Variants in HSD17B2 observed in about 807,000 individuals in gnomAD.
HSD17B2 encodes the protein 17-beta-hydroxysteroid dehydrogenase type 2.
A neutral mutation model predicts 26.9 loss-of-function variants in HSD17B2; 32 were observed. That is an observed-to-expected ratio of 1.19 (90% confidence interval 0.90 to 1.60). The LOEUF is 1.60. Ranked by LOEUF, HSD17B2 falls within the 40% of genes most tolerant of loss-of-function variation. The probability of loss-of-function intolerance (pLI) is 0.00; values close to 1 mark genes in which losing one functional copy is unlikely to be tolerated. For synonymous variants in HSD17B2, 246 were observed against 186.7 expected (o/e 1.32, Z -2.59); for missense variants, 613 against 468.6 (o/e 1.31, Z -2.85).
rs573217410 is a variant in HSD17B2, at chr16:82,084,448, T to C, written c.665-6454T>C. 4.0e-4 allele frequency among the ~76,000 whole-genome samples: 61 copies of C among 152,224 alleles called. 2 individuals are homozygous for C. In the South Asian group the frequency reaches 0.013, roughly 32 times the overall value. On this transcript the variant is annotated intron_variant, in intron 3 of 4. Transcript: ENST00000199936. ...ATTTAAATGAACCATGGGTTTTGAGTGCTTAGCACAGTTACTGGTATATAG... is the reference window on the plus strand; with the variant it reads ...ATTTAAATGAACCATGGGTTTTGAGCGCTTAGCACAGTTACTGGTATATAG...
chr16:82,037,292 T>A (rs1192836538), intron 1 of HSD17B2, among the ~76,000 whole-genome samples: 1 of 152,268 alleles, frequency 6.6e-6, no homozygotes, highest in Non-Finnish European at 1.5e-5. Flanking sequence ...GTCATTTTTA[T>A]GAGGAATGCT....
intron 3 of HSD17B2, among the ~76,000 whole-genome samples, chr16:82,085,521 G>A (rs982502333): frequency 6.6e-6 from 1 of 152,042 alleles, no homozygotes; most frequent in Non-Finnish European, 1.5e-5. Flanking sequence ...CAAGTACTAT[G>A]TGCTTTCTAC....
At chr16:82,035,766 C>G in intron 1 of HSD17B2, 77 bp downstream of exon 1, 2 of 1,457,540 alleles carry the variant, frequency 1.4e-6, no homozygotes, top group Non-Finnish European at 1.9e-6. Flanking sequence ...TTTGTCAAAT[C>G]TGGCTTAAAA....
chr16:82,053,622 T>C (rs1425891580), intron 1 of HSD17B2, among the ~76,000 whole-genome samples: 2 of 152,172 alleles, frequency 1.3e-5, no homozygotes, highest in Non-Finnish European at 2.9e-5. Context: ...GTCACCATTG[T>C]ACCTGTAGCA....
intron 1 of HSD17B2, among the ~76,000 whole-genome samples, chr16:82,067,401 G>A (rs903638079): frequency 6.6e-6 from 1 of 152,202 alleles, no homozygotes; most frequent in African/African-American, 2.4e-5. Context: ...TCAACGTTTT[G>A]CACTTGTGGG....
chr16:82,051,240 G>A (rs1914097033), intron 1 of HSD17B2, among the ~76,000 whole-genome samples: 1 of 152,078 alleles, frequency 6.6e-6, no homozygotes, highest in Non-Finnish European at 1.5e-5. Flanking sequence ...TACGGCTCCT[G>A]GTATGCAGTA....
chr16:82,070,460 A>G (rs1166290519), intron 2 of HSD17B2, among the ~76,000 whole-genome samples: 1 of 152,226 alleles, frequency 6.6e-6, no homozygotes, highest in East Asian at 1.9e-4. Context: ...TCATCTTCAC[A>G]GCATTCACAT....
At chr16:82,055,576 C>G (rs1914241740) in intron 1 of HSD17B2, among the ~76,000 whole-genome samples, 1 of 152,086 alleles carries the variant, frequency 6.6e-6, no homozygotes, top group South Asian at 2.1e-4. Flanking sequence ...AAGAAATCAG[C>G]CCAAGTAGAA....
chr16:82,097,910 C>T (rs975183314), intron 4 of HSD17B2, 165 bp from the exon 5 acceptor site: 24 of 578,956 alleles, frequency 4.1e-5, no homozygotes, highest in Middle Eastern at 4.8e-4. Flanking sequence ...TGCACTTAAG[C>T]CTGAGAGACA....
intron 1 of HSD17B2, among the ~76,000 whole-genome samples, chr16:82,047,936 T>C (rs558372166): frequency 2.6e-5 from 4 of 152,196 alleles, no homozygotes; most frequent in African/African-American, 4.8e-5. Context: ...GGGTGATTTT[T>C]ACAATGAAGA....
intron 1 of HSD17B2, among the ~76,000 whole-genome samples, chr16:82,063,995 T>C (rs941891262): frequency 3.9e-5 from 6 of 152,164 alleles, no homozygotes; most frequent in Admixed American, 3.9e-4. Context: ...ATCTAAGTCA[T>C]ATGGGGAAGG....
At chr16:82,054,885 T>C (rs955724478) in intron 1 of HSD17B2, among the ~76,000 whole-genome samples, 7 of 152,228 alleles carry the variant, frequency 4.6e-5, no homozygotes, top group African/African-American at 1.7e-4. Context: ...ATGATATCTC[T>C]CGTCACATTT....
At chr16:82,094,934 A>C (rs1904796274) in intron 4 of HSD17B2, 1 of 152,222 alleles carries the variant, frequency 6.6e-6, no homozygotes, top group Admixed American at 6.5e-5. Context: ...AGCTGATAGG[A>C]GGCAGAGATG....
intron 1 of HSD17B2, chr16:82,063,108 G>C (rs1007257472): frequency 1.3e-5 from 2 of 152,224 alleles, no homozygotes; most frequent in Admixed American, 6.5e-5. Context: ...ATGTGAGGAA[G>C]TGGAGGTTCC....
At position 82,091,012 on chromosome 16, in the gene HSD17B2, T is replaced by C. The variant is rs773962756; in HGVS notation, c.775T>C (p.Ser259Pro). The C allele has an allele frequency of 3.7e-6, 6 of 1,613,996 alleles. No individual in the cohort carries two copies. Among genetic ancestry groups the C allele is most frequent in the Non-Finnish European group, 5.1e-6 (6 of 1,179,914 alleles). Residue 259 changes from serine (S) to proline (P), a missense_variant, in exon 4 of 5, where the codon TCC (serine) becomes CCC (proline). Physicochemically the swap from Ser to Pro is moderately conservative, Grantham distance 74 (BLOSUM62 -1). Transcript: ENST00000199936. ...ELSKWGIKVA[S>P]IQPGGFLTNI... ...TTCCAAGTGGGGAATTAAAGTTGCT[T>C]CCATCCAACCTGGAGGCTTCCTAAC...
intron 1 of HSD17B2, chr16:82,044,599 G>C (rs1913863099): frequency 6.6e-6 from 1 of 152,180 alleles, no homozygotes; most frequent in Admixed American, 6.5e-5. Flanking sequence ...GTTGTCATTT[G>C]GTTCTCCTGC....
chr16:82,059,144 T>C (rs947111945), intron 1 of HSD17B2, among the ~76,000 whole-genome samples: 1 of 152,200 alleles, frequency 6.6e-6, no homozygotes, highest in Non-Finnish European at 1.5e-5. Flanking sequence ...AAGTAAACTA[T>C]GACATATTCC....
At chr16:82,044,346 A>C (rs1261769264) in intron 1 of HSD17B2, 2 of 152,220 alleles carry the variant, frequency 1.3e-5, no homozygotes, top group Non-Finnish European at 2.9e-5. Context: ...TTAAGACATC[A>C]GCTTTATTCC....
Position 82,068,214 on chromosome 16 carries a change from G to A in HSD17B2, c.310G>A (p.Glu104Lys), listed in dbSNP as rs1567586319. ...CCATGCTTTGTGCAAGTATCTGGATGAGCTGGGCTTCACGGTATTTGCCGG... is the reference window on the plus strand; with the variant it reads ...CCATGCTTTGTGCAAGTATCTGGATAAGCTGGGCTTCACGGTATTTGCCGG... Reference protein sequence around the residue: ...LGHALCKYLDELGFTVFAGVL... With the variant: ...LGHALCKYLDKLGFTVFAGVL... Residue 104 changes from glutamate to lysine, a missense_variant, in exon 2 of 5, where the codon GAG becomes AAG. Transcript: ENST00000199936. 6.2e-7 allele frequency: 1 copy of A among 1,614,160 alleles called. No homozygotes were observed. Among genetic ancestry groups the A allele is most frequent in the South Asian group, 1.1e-5 (1 of 91,070 alleles).
Sources: allele counts gnomAD v4.1 joint callset (sites outside exome capture counted in the v4.1 genomes callset), GRCh38; gene constraint gnomAD v4.1.1; transcripts MANE v1.5; gene names NCBI Gene and HGNC (gene_info 2026-07-23, HGNC 2026-07-21).